Variants in SNX32 observed in about 807,000 individuals in gnomAD.
SNX32 encodes sorting nexin-32.
SNX32 carries 58 observed loss-of-function variants against 57.0 expected under a neutral mutation model. That is an observed-to-expected ratio of 1.02 (90% CI 0.82 to 1.27). The LOEUF is 1.27. SNX32 is among the 50% of genes most tolerant of loss of function. SNX32 has a pLI of 0.00. For missense variants in SNX32, 589 were observed against 541.2 expected, an observed-to-expected ratio of 1.09 and a Z score of -0.88; for synonymous variants, 262 against 220.4, an observed-to-expected ratio of 1.19 and a Z score of -1.67.
At chr11:65,849,689 C>A (rs1020578931) in intron 2 of SNX32, 107 bp downstream of exon 2, 2 of 1,052,022 alleles carry the variant, frequency 1.9e-6, no homozygotes, top group Non-Finnish European at 2.9e-6. Context: ...ACTCTTCCTC[C>A]ACCTGGCACT....
chr11:65,836,337 A>T lies in SNX32; in HGVS notation c.36+2236A>T, dbSNP rs544427899. On this transcript the variant is annotated intron_variant, in intron 1 of 12. Transcript: ENST00000308342. ...GCAGGCAAATCACTTGAGGTCAGGA[A>T]TTCAAGACTAGCCTGGCCAACATGG... Among the ~76,000 whole-genome samples, 162 of 152,208 alleles carry T rather than the reference A, an allele frequency of 1.1e-3. 2 individuals are homozygous for T. Among genetic ancestry groups the T allele is most frequent in the Admixed American group, 9.0e-3 (137 of 15,280 alleles).
chr11:65,837,705 C>A (rs1418141349), intron 1 of SNX32, among the ~76,000 whole-genome samples: 2 of 148,850 alleles, frequency 1.3e-5, no homozygotes, highest in Non-Finnish European at 3.0e-5. Flanking sequence ...CTGTAATCCC[C>A]ACTACTCAGG....
At chr11:65,836,902 G>T (rs1858683704) in intron 1 of SNX32, among the ~76,000 whole-genome samples, 1 of 151,286 alleles carries the variant, frequency 6.6e-6, no homozygotes, top group Non-Finnish European at 1.5e-5. Context: ...CCTGTGGGGG[G>T]CTGGGGGGTA....
At chr11:65,850,905 A>G in intron 6 of SNX32, 50 bp downstream of exon 6, 1 of 1,557,426 alleles carries the variant, frequency 6.4e-7, no homozygotes, top group Non-Finnish European at 8.9e-7. Flanking sequence ...TCAAGTCCAC[A>G]GCACAGATTG....
Position 65,851,657 on chromosome 11 carries a change from C to T in SNX32, c.803C>T (p.Ala268Val). 2 of 1,614,148 alleles carry T rather than the reference C, an allele frequency of 1.2e-6. No individual in the cohort carries two copies. The highest frequency in any genetic ancestry group is 1.7e-6 in the Non-Finnish European group (2 of 1,180,006). The change falls in exon 9 of 13, where the codon GCA (alanine) becomes GTA (valine). Residue 268 changes from alanine to valine, a missense_variant. Physicochemically the swap from Ala to Val is moderately conservative, Grantham distance 64 (BLOSUM62 0). Transcript: ENST00000308342. ...CTTCCTAGGAGCTTCCTCAAATTGGCAGAGCTCTTTGAACGGCTGAGGGTG... is the reference window on the plus strand; with the variant it reads ...CTTCCTAGGAGCTTCCTCAAATTGGTAGAGCTCTTTGAACGGCTGAGGGTG... ...NQLRTSFLKLAELFERLRKLE... is the reference protein window; with the variant it reads ...NQLRTSFLKLVELFERLRKLE...
chr11:65,851,264 G>A (rs1859182914), intron 7 of SNX32, 64 bp from the exon 8 acceptor site: 1 of 1,603,438 alleles, frequency 6.2e-7, no homozygotes, highest in Non-Finnish European at 8.5e-7. Context: ...GTTTGTCTGT[G>A]GCCACAAGCA....
chr11:65,836,498 C>T (rs1169043023), intron 1 of SNX32, among the ~76,000 whole-genome samples: 3 of 152,094 alleles, frequency 2.0e-5, no homozygotes, highest in Admixed American at 2.0e-4. Context: ...GAGCCAAGAT[C>T]GCACCATTGA....
In SNX32 at chr11:65,850,031, G is replaced by A. The variant is rs766191674; in HGVS notation, c.252+1G>A. ...GAATGAGGAGTACGCCGGCCTCATC[G>A]TGAGGAGGGGCTGGGCAGGGGCTGG... On this transcript the variant is annotated splice_donor_variant, in intron 3 of 12. Coordinates refer to ENST00000308342, the MANE Select transcript of SNX32 (RefSeq NM_152760.3). LOFTEE classifies it high-confidence loss of function. 8.7e-6 allele frequency: 14 copies of A among 1,614,114 alleles called. No homozygotes were observed. The highest frequency in any genetic ancestry group is 2.7e-5 in the African/African-American group (2 of 75,050).
At chr11:65,843,986 A>G (rs978526978) in intron 1 of SNX32, among the ~76,000 whole-genome samples, 2 of 152,196 alleles carry the variant, frequency 1.3e-5, no homozygotes, top group Non-Finnish European at 2.9e-5. Context: ...ATTCCTCACC[A>G]GGTAATACCA....
At chr11:65,844,197 A>G (rs888972987) in intron 1 of SNX32, among the ~76,000 whole-genome samples, 2 of 152,232 alleles carry the variant, frequency 1.3e-5, no homozygotes, top group African/African-American at 4.8e-5. Flanking sequence ...AAAAAAAAGA[A>G]TAAAGGTGGA....
At position 65,839,225 on chromosome 11, in the gene SNX32, A is replaced by ATTTTTTTTT. The variant is rs1168882508; in HGVS notation, c.36+5138_36+5146dup. On this transcript the variant is annotated intron_variant, in intron 1 of 12. Transcript: ENST00000308342. ...CACCACGCCCAGCTAATTTTTTTGT[A>ATTTTTTTTT]TTTTTTTTTTTTTTTTTTTTTTGAG... 8.5e-3 allele frequency among the ~76,000 whole-genome samples: 236 copies of ATTTTTTTTT among 27,636 alleles called. 51 individuals carry two copies. Among genetic ancestry groups the ATTTTTTTTT allele is most frequent in the African/African-American group, 0.018 (118 of 6,628 alleles). 18.1% of individuals were successfully genotyped at this position (27,636 alleles called of 152,430 possible).
chr11:65,844,276 A>G (rs1438535831), intron 1 of SNX32, among the ~76,000 whole-genome samples: 2 of 152,200 alleles, frequency 1.3e-5, no homozygotes, highest in African/African-American at 4.8e-5. Flanking sequence ...AGATATTATC[A>G]TAAGGACAAA....
intron 1 of SNX32, among the ~76,000 whole-genome samples, chr11:65,840,242 ACT>A (rs1397073155): frequency 2.0e-5 from 3 of 152,142 alleles, no homozygotes; most frequent in African/African-American, 7.2e-5. Flanking sequence ...AAAAATCAAC[ACT>A]CTCATCAAAT....
chr11:65,839,215 A>ATTTTTTT lies in SNX32; in HGVS notation c.36+5115_36+5121dup, dbSNP rs1555032605. 2.7e-3 allele frequency among the ~76,000 whole-genome samples: 52 copies of ATTTTTTT among 19,524 alleles called. 4 individuals carry two copies. Among genetic ancestry groups the ATTTTTTT allele is most frequent in the Non-Finnish European group, 4.8e-3 (40 of 8,372 alleles). 12.8% of individuals were successfully genotyped at this position (19,524 alleles called of 152,430 possible). A position where few individuals can be genotyped will look rare whatever the true frequency, so the allele number is the denominator to read the frequency against. On this transcript the variant is annotated intron_variant, in intron 1 of 12. Transcript: ENST00000308342. ...AGCTGTGCCCCACCACGCCCAGCTA[A>ATTTTTTT]TTTTTTTGTATTTTTTTTTTTTTTT...
intron 7 of SNX32, 37 bp from the exon 8 acceptor site, chr11:65,851,291 A>G (rs1453433819): frequency 1.7e-5 from 28 of 1,611,794 alleles, no homozygotes; most frequent in African/African-American, 2.7e-5. Flanking sequence ...CTTGACATGC[A>G]GATGTAGGGG....
Position 65,853,316 on chromosome 11 carries a change from C to T in SNX32, c.1193C>T (p.Ala398Val). 6.2e-7 allele frequency: 1 copy of T among 1,614,088 alleles called. No individual in the cohort carries two copies. Among genetic ancestry groups the T allele is most frequent in the Non-Finnish European group, 8.5e-7 (1 of 1,180,000 alleles). ...STLILRNTLV[A>V]LKGEP Reference sequence around the variant, plus strand: ...CTGATTCTCCGGAACACCCTTGTTGCCCTAAAGGGGGAGCCTTAGAGTAGC... The same window carrying T: ...CTGATTCTCCGGAACACCCTTGTTGTCCTAAAGGGGGAGCCTTAGAGTAGC... The change falls in exon 13 of 13, where the codon GCC becomes GTC. Residue 398 changes from alanine (A) to valine (V), a missense_variant. Physicochemically the swap from Ala to Val is moderately conservative, Grantham distance 64. Coordinates refer to ENST00000308342, the MANE Select transcript of SNX32 (RefSeq NM_152760.3).
chr11:65,849,505 G>A lies in SNX32; in HGVS notation c.64G>A (p.Gly22Arg). 6.2e-7 allele frequency: 1 copy of A among 1,613,518 alleles called. No homozygotes were observed. The highest frequency in any genetic ancestry group is 1.1e-5 in the South Asian group (1 of 90,996). The change falls in exon 2 of 13, where the codon GGA becomes AGA. Residue 22 changes from glycine to arginine, a missense_variant. Physicochemically the swap from Gly to Arg is moderately radical, Grantham distance 125. Coordinates refer to ENST00000308342, the MANE Select transcript of SNX32 (RefSeq NM_152760.3). Reference sequence around the variant, plus strand: ...TTCCTGTGCATCGGTGGATCTGCAGGGAGACAGCTCCTTACAGGTGGAGAT... The same window carrying A: ...TTCCTGTGCATCGGTGGATCTGCAGAGAGACAGCTCCTTACAGGTGGAGAT... The part of the protein sequence containing the change: ...KPSCASVDLQ[G>R]DSSLQVEISD...
intron 1 of SNX32, among the ~76,000 whole-genome samples, chr11:65,843,265 A>G (rs1858900840): frequency 1.3e-5 from 2 of 150,678 alleles, no homozygotes; most frequent in Admixed American, 1.3e-4. Context: ...AAAATGAAGA[A>G]AATGAATTGA....
rs1859134471 is a variant in SNX32, at chr11:65,850,290, C to T, written c.374+19C>T. ...TGGAAGCGTGAGTGCCCCCTCCTTT[C>T]CCTGCCATCCCCAGAGTCCAGATGT... On this transcript the variant is annotated intron_variant, in intron 4 of 12. Transcript: ENST00000308342. The T allele has an allele frequency of 1.2e-6, 2 of 1,614,006 alleles. No homozygotes were observed. Among genetic ancestry groups the T allele is most frequent in the African/African-American group, 2.7e-5 (2 of 74,926 alleles).
Sources: gnomAD v4.1 joint callset for allele counts (sites outside exome capture counted in the v4.1 genomes callset) on GRCh38, gnomAD v4.1.1 for gene constraint, MANE v1.5 for transcripts, NCBI Gene and HGNC (gene_info 2026-07-23, HGNC 2026-07-21) for gene names.